Variants in PRSS23 observed in about 807,000 individuals in gnomAD.
The protein encoded by PRSS23 is protease, serine 23.
Under a neutral mutation model 34.7 loss-of-function variants are expected in PRSS23, and 25 were observed. The ratio of observed to expected loss-of-function variants is 0.72; its 90% CI spans 0.53 to 1.01. The LOEUF (loss-of-function observed/expected upper bound fraction) is 1.01, where lower values mean the gene tolerates loss of function less well. PRSS23 is among the 50% of genes least tolerant of loss of function. The pLI is 0.00. For missense variants in PRSS23, 445 were observed against 475.6 expected, an observed-to-expected ratio of 0.94 and a Z score of 0.60; for synonymous variants, 176 against 186.6, an observed-to-expected ratio of 0.94 and a Z score of 0.46.
chr11:86,835,862 GTAA>G (rs1565361043), intron 2 of PRSS23, among the ~76,000 whole-genome samples: 1 of 152,178 alleles, frequency 6.6e-6, no homozygotes, highest in East Asian at 1.9e-4. Flanking sequence ...GCAGCTAAAA[GTAA>G]ATCATCCACG....
At chr11:86,881,756 G>A (rs1403603438) in intron 2 of PRSS23, among the ~76,000 whole-genome samples, 1 of 152,084 alleles carries the variant, frequency 6.6e-6, no homozygotes, top group Non-Finnish European at 1.5e-5. Flanking sequence ...TTTCTCATTA[G>A]TAATTCAATC....
At chr11:86,924,006 A>G (rs113537244) in intron 2 of PRSS23, among the ~76,000 whole-genome samples, 100 of 152,310 alleles carry the variant, frequency 6.6e-4, no homozygotes, top group African/African-American at 2.2e-3. Context: ...TCCTTAAAGA[A>G]TGGAGAGGAA....
upstream of PRSS23, among the ~76,000 whole-genome samples, chr11:86,797,407 CA>C (rs1376246321): frequency 6.6e-6 from 1 of 152,228 alleles, no homozygotes; most frequent in African/African-American, 2.4e-5. Context: ...AGTAGCCTCT[CA>C]TTTTACTCTT....
chr11:86,929,520 T>C (rs1949109372), intron 2 of PRSS23, among the ~76,000 whole-genome samples: 1 of 150,698 alleles, frequency 6.6e-6, no homozygotes, highest in Admixed American at 6.6e-5. Flanking sequence ...GCATATGCCT[T>C]TAATCCCAGA....
At chr11:86,815,965 C>G (rs187651192), downstream of PRSS23, among the ~76,000 whole-genome samples, 1 of 152,194 alleles carries the variant, frequency 6.6e-6, no homozygotes, top group African/African-American at 2.4e-5. Context: ...GAAGCAAAGA[C>G]CTGATCAGGC....
chr11:86,918,925 G>C (rs1343084961), intron 2 of PRSS23, among the ~76,000 whole-genome samples: 1 of 152,168 alleles, frequency 6.6e-6, no homozygotes, highest in Non-Finnish European at 1.5e-5. Context: ...GGCTCCAGTA[G>C]AAGCCACCAT....
At chr11:86,878,902 GT>G in intron 2 of PRSS23, among the ~76,000 whole-genome samples, 2 of 142,326 alleles carry the variant, frequency 1.4e-5, no homozygotes, top group South Asian at 2.3e-4. Context: ...AGTGAGGAGC[GT>G]CTCTGCCCGG....
At chr11:86,842,838 C>G (rs1948458728) in intron 2 of PRSS23, among the ~76,000 whole-genome samples, 1 of 152,124 alleles carries the variant, frequency 6.6e-6, no homozygotes, top group African/African-American at 2.4e-5. Flanking sequence ...TGAAAATGGC[C>G]ATACTGCCCA....
chr11:86,916,926 G>A (rs556694736), intron 2 of PRSS23, among the ~76,000 whole-genome samples: 33 of 152,302 alleles, frequency 2.2e-4, no homozygotes, highest in Admixed American at 6.5e-4. Flanking sequence ...TTCTGTATCC[G>A]TACAGCTTAG....
intron 2 of PRSS23, chr11:86,836,753 G>A (rs1198557208): frequency 6.6e-6 from 1 of 152,210 alleles, no homozygotes; most frequent in African/African-American, 2.4e-5. Context: ...GCTGTCAATG[G>A]TCAAGCATAC....
chr11:86,796,273 A>G (rs781157700), upstream of PRSS23, among the ~76,000 whole-genome samples: 1 of 152,180 alleles, frequency 6.6e-6, no homozygotes, highest in Non-Finnish European at 1.5e-5. Flanking sequence ...CACCGAGTAG[A>G]CTATTTTAAA....
At chr11:86,821,610 G>A in intron 1 of PRSS23, 1 of 1,602,288 alleles carries the variant, frequency 6.2e-7, no homozygotes, top group South Asian at 1.1e-5. Context: ...TCCCTTAAAT[G>A]TTCATACTTC....
intron 2 of PRSS23, among the ~76,000 whole-genome samples, chr11:86,913,442 G>A (rs1948991524): frequency 6.7e-6 from 1 of 149,920 alleles, no homozygotes; most frequent in Non-Finnish European, 1.5e-5. Flanking sequence ...ATTTGTGGAA[G>A]GGTTGGTCTT....
Position 86,876,595 on chromosome 11 carries a change from G to A in PRSS23, c.206+53002G>A, listed in dbSNP as rs147359682. Among the ~76,000 whole-genome samples, 141 of 152,252 alleles carry A rather than the reference G, an allele frequency of 9.3e-4. 2 individuals are homozygous for A. The East Asian group carries it at 0.021, about 22-fold the overall frequency. ...CCACCAGAATTGACATCACCTAGGA[G>A]CTGGTTAGAAATGCAGACTCTTAGG... On this transcript the variant is annotated intron_variant, in intron 2 of 2. Coordinates refer to the PRSS23 transcript ENST00000533902.
upstream of PRSS23, among the ~76,000 whole-genome samples, chr11:86,797,256 G>C (rs1287529920): frequency 1.3e-5 from 2 of 152,224 alleles, no homozygotes; most frequent in African/African-American, 4.8e-5. Flanking sequence ...GAGGGAAATG[G>C]GACGAGTACA....
chr11:86,942,864 A>C (rs1274487278), intron 2 of PRSS23, among the ~76,000 whole-genome samples: 1 of 152,224 alleles, frequency 6.6e-6, no homozygotes, highest in Non-Finnish European at 1.5e-5. Context: ...ACCAGCTTGC[A>C]TTGTGAAGGA....
downstream of PRSS23, among the ~76,000 whole-genome samples, chr11:86,813,256 C>T (rs1048559534): frequency 2.0e-5 from 3 of 152,180 alleles, no homozygotes; most frequent in Admixed American, 1.3e-4. Context: ...TTCCTATTTG[C>T]ATAACCCACA....
intron 2 of PRSS23, chr11:86,910,393 T>C (rs1297949271): frequency 1.3e-5 from 2 of 152,164 alleles, no homozygotes; most frequent in African/African-American, 4.8e-5. Context: ...CTCAAAACAG[T>C]GAGCCATTTC....
At chr11:86,796,682 A>G (rs187487571), upstream of PRSS23, among the ~76,000 whole-genome samples, 2 of 152,038 alleles carry the variant, frequency 1.3e-5, no homozygotes, top group Admixed American at 1.3e-4. Flanking sequence ...ATAATAAAAT[A>G]TACTCCACAG....
Sources: gnomAD v4.1 joint callset for allele counts (sites outside exome capture counted in the v4.1 genomes callset) on GRCh38, gnomAD v4.1.1 for gene constraint, MANE v1.5 for transcripts, NCBI Gene and HGNC (gene_info 2026-07-23, HGNC 2026-07-21) for gene names.